The following KIFAP3 variants were observed in gnomAD, a reference collection of about 807,000 sequenced individuals.
The protein encoded by KIFAP3 is kinesin-associated protein 3.
A neutral mutation model predicts 106.5 loss-of-function variants in KIFAP3; 68 were observed. The observed-to-expected ratio is 0.64, with a 90% CI of 0.53 to 0.78. The LOEUF (loss-of-function observed/expected upper bound fraction) is 0.78, where lower values mean the gene tolerates loss of function less well. Ranked by LOEUF, KIFAP3 falls within the 30% of genes least tolerant of loss-of-function variation. The pLI is 0.00. For synonymous variants in KIFAP3, 320 were observed against 311.5 expected, an observed-to-expected ratio of 1.03 and a Z score of -0.29; for missense variants, 780 against 941.8, an observed-to-expected ratio of 0.83 and a Z score of 2.25.
chr1:170,052,092 A>G (rs1670604347), intron 2 of KIFAP3, among the ~76,000 whole-genome samples: 1 of 152,082 alleles, frequency 6.6e-6, no homozygotes, highest in South Asian at 2.1e-4. Context: ...ATAGACTGCT[A>G]GCTAGATTAA....
chr1:169,977,173 T>C (rs996737174), intron 16 of KIFAP3, among the ~76,000 whole-genome samples: 2 of 152,222 alleles, frequency 1.3e-5, no homozygotes, highest in Admixed American at 6.5e-5. Context: ...TTGAGAAATG[T>C]GTGAATAAAT....
At chr1:170,023,407 AAGG>A (rs1250800524) in intron 9 of KIFAP3, among the ~76,000 whole-genome samples, 4 of 152,068 alleles carry the variant, frequency 2.6e-5, no homozygotes, top group Non-Finnish European at 5.9e-5. Flanking sequence ...AGACTATCTA[AAGG>A]AGAAGCCACT....
chr1:170,052,156 C>T (rs1159339769), intron 2 of KIFAP3, among the ~76,000 whole-genome samples: 1 of 151,780 alleles, frequency 6.6e-6, no homozygotes, highest in Non-Finnish European at 1.5e-5. Context: ...AAGGGGATAC[C>T]ACCACTGATC....
At chr1:170,023,065 T>G (rs1042313903) in intron 9 of KIFAP3, among the ~76,000 whole-genome samples, 4 of 152,106 alleles carry the variant, frequency 2.6e-5, no homozygotes, top group Non-Finnish European at 4.4e-5. Context: ...TACTCAGGAC[T>G]GTTTATATAC....
chr1:170,046,633 T>G, intron 3 of KIFAP3, 79 bp downstream of exon 3: 1 of 1,162,370 alleles, frequency 8.6e-7, no homozygotes, highest in Non-Finnish European at 1.2e-6. Flanking sequence ...TTTGATAAAC[T>G]TTTTTTTATA....
chr1:170,041,804 T>C, intron 3 of KIFAP3: 1 of 1,513,754 alleles, frequency 6.6e-7, no homozygotes, highest in Non-Finnish European at 8.8e-7. Flanking sequence ...TTAAAGGTCG[T>C]GTTCCCTCTT....
intron 19 of KIFAP3, among the ~76,000 whole-genome samples, chr1:169,945,097 T>G (rs1238255800): frequency 6.6e-6 from 1 of 151,904 alleles, no homozygotes; most frequent in Non-Finnish European, 1.5e-5. Context: ...CCTCCCTCCC[T>G]GAGCTTGTAG....
intron 2 of KIFAP3, among the ~76,000 whole-genome samples, chr1:170,054,455 C>T (rs1670738622): frequency 6.6e-6 from 1 of 152,186 alleles, no homozygotes; most frequent in Non-Finnish European, 1.5e-5. Context: ...AATCCCATTA[C>T]TGGGCATATA....
chr1:170,041,597 G>T, intron 3 of KIFAP3: 2 of 1,113,410 alleles, frequency 1.8e-6, no homozygotes, highest in Non-Finnish European at 1.3e-6. Flanking sequence ...GAGGCCCGGA[G>T]ATGAGTCCAA....
chr1:169,980,696 G>A (rs1571599868), intron 15 of KIFAP3, among the ~76,000 whole-genome samples: 3 of 152,298 alleles, frequency 2.0e-5, no homozygotes, highest in Admixed American at 2.0e-4. Context: ...AAGGGAATAT[G>A]ATGTTTAGAA....
chr1:170,072,953 T>G (rs917462866), intron 1 of KIFAP3, among the ~76,000 whole-genome samples: 1 of 152,234 alleles, frequency 6.6e-6, no homozygotes, highest in Non-Finnish European at 1.5e-5. Flanking sequence ...GTTTTAATTT[T>G]GGAACTCTAG....
chr1:170,035,976 G>C (rs1669672981), intron 5 of KIFAP3, among the ~76,000 whole-genome samples: 1 of 151,716 alleles, frequency 6.6e-6, no homozygotes, highest in Non-Finnish European at 1.5e-5. Flanking sequence ...AAAAAAATGA[G>C]CAGGTTAGTA....
chr1:169,953,854 TA>T (rs1339514775), intron 19 of KIFAP3, among the ~76,000 whole-genome samples, 156 bp downstream of exon 19: 2 of 152,170 alleles, frequency 1.3e-5, no homozygotes, highest in African/African-American at 4.8e-5. Context: ...TGTGACTTCA[TA>T]AGTTAATTTA....
chr1:170,075,468 C>T (rs1671882938), upstream of KIFAP3, among the ~76,000 whole-genome samples: 1 of 152,226 alleles, frequency 6.6e-6, no homozygotes, highest in Non-Finnish European at 1.5e-5. Context: ...GTCACTTATT[C>T]ACTGTCTTCT....
chr1:170,005,123 G>T (rs1421435380), intron 10 of KIFAP3, among the ~76,000 whole-genome samples: 1 of 151,328 alleles, frequency 6.6e-6, no homozygotes, highest in Non-Finnish European at 1.5e-5. Context: ...ATCATCACTG[G>T]CCATCAGAGA....
At chr1:170,024,736 T>C (rs1377430874) in intron 8 of KIFAP3, 140 bp from the exon 9 acceptor site, 10 of 466,348 alleles carry the variant, frequency 2.1e-5, no homozygotes, top group South Asian at 6.0e-5. Flanking sequence ...TGGTTAATAA[T>C]TGGTTAATTA....
intron 1 of KIFAP3, among the ~76,000 whole-genome samples, chr1:170,056,526 A>G (rs1670860756): frequency 6.6e-6 from 1 of 152,236 alleles, no homozygotes; most frequent in South Asian, 2.1e-4. Context: ...TCTCATTCTT[A>G]GTCCTAGCTA....
At chr1:170,008,862 C>A (rs542592107) in intron 10 of KIFAP3, among the ~76,000 whole-genome samples, 129 of 152,250 alleles carry the variant, frequency 8.5e-4, no homozygotes, top group African/African-American at 2.9e-3. Flanking sequence ...AGACATGGAA[C>A]CAACCCAAAT....
At chr1:169,981,799 C>A (rs1666537284) in intron 15 of KIFAP3, among the ~76,000 whole-genome samples, 173 bp downstream of exon 15, 1 of 152,130 alleles carries the variant, frequency 6.6e-6, no homozygotes, top group African/African-American at 2.4e-5. Context: ...TGATATTACT[C>A]TATCCAATCC....
Sources: gnomAD v4.1 joint callset for allele counts (sites outside exome capture counted in the v4.1 genomes callset) on GRCh38, gnomAD v4.1.1 for gene constraint, MANE v1.5 for transcripts, NCBI Gene and HGNC (gene_info 2026-07-23, HGNC 2026-07-21) for gene names.